PLOD1: variants seen among roughly 807,000 people sequenced by gnomAD.
PLOD1 encodes procollagen-lysine,2-oxoglutarate 5-dioxygenase 1, also known as lysine hydroxylase.
In PLOD1, 70 loss-of-function variants were observed where a neutral mutation model predicts 94.7. The ratio of observed to expected loss-of-function variants is 0.74; its 90% confidence interval spans 0.61 to 0.90. The LOEUF is 0.90. PLOD1 is among the 40% of genes least tolerant of loss of function. PLOD1 has a pLI of 0.00. For synonymous variants in PLOD1, 417 were observed against 400.2 expected (o/e 1.04, Z -0.50); for missense variants, 905 against 972.7 (o/e 0.93, Z 0.93).
rs11553681 is a variant in PLOD1 at position 11,975,248 on chromosome 1, G to T, written c.*440G>T. On this transcript the variant is annotated 3_prime_UTR_variant, in exon 19 of 19. Transcript: ENST00000196061. Reference sequence around the variant, plus strand: ...GTTGCACCAGGGACTTCTGCTTCAAGTTTTGGGGTAAAGACACCTGGATCA... The same window carrying T: ...GTTGCACCAGGGACTTCTGCTTCAATTTTTGGGGTAAAGACACCTGGATCA... 2 of 272,568 alleles carry T rather than the reference G, an allele frequency of 7.3e-6. No homozygotes were observed. Among genetic ancestry groups the T allele is most frequent in the South Asian group, 4.0e-5 (1 of 24,984 alleles). 16.9% of individuals were successfully genotyped at this position (272,568 alleles called of 1,614,324 possible).
Position 11,964,648 on chromosome 1 carries a change from G to A in PLOD1, c.1333G>A (p.Val445Ile). ...CGCTTTCTGTCTCTCCCACAGTGGT[G>A]TCTGGAATGTGCCCTATATTTCAAA... is the stretch of plus-strand genomic sequence containing the variant. Reference protein sequence around the residue: ...VDIVQGRRVGVWNVPYISNIY... With the variant: ...VDIVQGRRVGIWNVPYISNIY... Residue 445 changes from valine (V) to isoleucine (I), a missense_variant, in exon 13 of 19, where the codon GTC becomes ATC. By Grantham distance (29) the Val-to-Ile change is conservative. Coordinates refer to ENST00000196061, the MANE Select transcript of PLOD1 (RefSeq NM_000302.4). 6.2e-7 allele frequency: 1 copy of A among 1,613,024 alleles called. No homozygotes were observed. The highest frequency in any genetic ancestry group is 8.5e-7 in the Non-Finnish European group (1 of 1,180,014).
At chr1:11,966,933 A>G in intron 15 of PLOD1, 54 bp from the exon 16 acceptor site, 1 of 1,084,682 alleles carries the variant, frequency 9.2e-7, no homozygotes, top group Non-Finnish European at 1.4e-6. Context: ...AAGAGGAAGG[A>G]GGATTCTGTG....
chr1:11,936,873 G>T (rs1404769871), intron 1 of PLOD1, among the ~76,000 whole-genome samples: 2 of 144,110 alleles, frequency 1.4e-5, no homozygotes, highest in African/African-American at 2.6e-5. Flanking sequence ...TTGAGGCAGA[G>T]TTTCACTCCC....
intron 16 of PLOD1, among the ~76,000 whole-genome samples, chr1:11,968,469 A>T (rs1313887548): frequency 6.6e-6 from 1 of 151,016 alleles, no homozygotes; most frequent in Non-Finnish European, 1.5e-5. Flanking sequence ...TACAACATTC[A>T]TATCTCCTAT....
In PLOD1 at chr1:11,963,079, CAT is replaced by C. The variant is rs1645790279; in HGVS notation, c.1098-451_1098-450del. Among the ~76,000 whole-genome samples the C allele has an allele frequency of 6.6e-6, 1 of 151,988 alleles. No homozygotes were observed. The highest frequency in any genetic ancestry group is 2.1e-4 in the South Asian group (1 of 4,816). Reference sequence around the variant, plus strand: ...AAAATAAAAATAAAAAAAAGAAAAACATAAAGCTGTTCTTAGCCCATGAGCTG... The same window carrying C: ...AAAATAAAAATAAAAAAAAGAAAAACAAAGCTGTTCTTAGCCCATGAGCTG... On this transcript the variant is annotated intron_variant, in intron 10 of 18. Transcript: ENST00000196061. The surrounding 1 kb of genome is among the most constrained non-coding windows in gnomAD (Gnocchi z 4.3).
chr1:11,969,041 TTGAGACG>T (rs974430057), intron 16 of PLOD1, among the ~76,000 whole-genome samples: 1 of 150,632 alleles, frequency 6.6e-6, no homozygotes, highest in African/African-American at 2.4e-5. Context: ...TTTTTTTTTT[TTGAGACG>T]GAGTTTTGCT....
At chr1:11,965,430 G>A (rs1490650936) in intron 13 of PLOD1, 50 bp from the exon 14 acceptor site, 6 of 1,070,238 alleles carry the variant, frequency 5.6e-6, no homozygotes, top group Non-Finnish European at 5.8e-6. Flanking sequence ...AGGGGTGAGG[G>A]CAGGGGAGGG....
Position 11,974,815 on chromosome 1 carries a change from A to C in PLOD1, c.*7A>C, listed in dbSNP as rs760621897. On this transcript the variant is annotated 3_prime_UTR_variant, in exon 19 of 19. Transcript: ENST00000196061. ...CTCCTTCGTCGATCCCTAATTGGCC[A>C]GGCCTGACCCTCTTGGACCTTTCTT... 1.9e-6 allele frequency: 3 copies of C among 1,613,952 alleles called. No homozygotes were observed. The highest frequency in any genetic ancestry group is 2.5e-6 in the Non-Finnish European group (3 of 1,179,956).
At chr1:11,937,274 G>GA (rs1645586532) in intron 1 of PLOD1, among the ~76,000 whole-genome samples, 1 of 152,226 alleles carries the variant, frequency 6.6e-6, no homozygotes, top group Non-Finnish European at 1.5e-5. Flanking sequence ...AAGACCCGGT[G>GA]ATACTACCTC....
chr1:11,954,998 C>T (rs1645728754), intron 6 of PLOD1, 105 bp downstream of exon 6: 1 of 899,002 alleles, frequency 1.1e-6, no homozygotes, highest in Non-Finnish European at 1.8e-6. Context: ...TCTTTCTGGC[C>T]ATTGTGCTGA....
At chr1:11,938,188 C>A (rs934491669) in intron 1 of PLOD1, among the ~76,000 whole-genome samples, 34 of 151,778 alleles carry the variant, frequency 2.2e-4, no homozygotes, top group African/African-American at 2.4e-5. Context: ...TGACCTCAAG[C>A]GATTTGCCCA....
intron 18 of PLOD1, 92 bp from the exon 19 acceptor site, chr1:11,974,561 A>G: frequency 7.8e-7 from 1 of 1,288,432 alleles, no homozygotes; most frequent in South Asian, 1.2e-5. Flanking sequence ...GGCAGTGCTG[A>G]GGGCCACTTG....
chr1:11,947,070 A>T (rs1294196687), intron 1 of PLOD1, among the ~76,000 whole-genome samples: 1 of 152,026 alleles, frequency 6.6e-6, no homozygotes, highest in Non-Finnish European at 1.5e-5. Flanking sequence ...GGAGTTTGAG[A>T]CCAGCCTGGC....
chr1:11,958,656 C>T lies in PLOD1; in HGVS notation c.975+9C>T. ...TTTTCATCCACAACCACGTGAGTAA[C>T]AGGCGCTCTGTGGGGTCGTCATGTG... is the stretch of plus-strand genomic sequence containing the variant. On this transcript the variant is annotated intron_variant, in intron 9 of 18. Coordinates refer to ENST00000196061, the MANE Select transcript of PLOD1 (RefSeq NM_000302.4). The surrounding 1 kb of genome is among the most constrained non-coding windows in gnomAD (Gnocchi z 4.3). 1 of 1,614,078 alleles carries T rather than the reference C, an allele frequency of 6.2e-7. No individual in the cohort carries two copies. Among genetic ancestry groups the T allele is most frequent in the South Asian group, 1.1e-5 (1 of 91,074 alleles).
rs79045591 is a variant in PLOD1 at position 11,944,384 on chromosome 1, C to T, written c.77-3592C>T. On this transcript the variant is annotated intron_variant, in intron 1 of 18. Transcript: ENST00000196061. ...CACCCCTGCTGCTGGAGTTCAAGAG[C>T]CTGTTCCATCAAGAATCCTGAATTG... The T allele has an allele frequency of 2.7e-3, 1,113 of 407,078 alleles. 13 individuals carry two copies. The highest frequency in any genetic ancestry group is 0.02 in the African/African-American group (958 of 47,058). The allele number at this position is 407,078 out of a possible 1,614,324, so 25.2% of individuals were successfully genotyped here.
intron 14 of PLOD1, 146 bp downstream of exon 14, chr1:11,965,739 G>A (rs1645812746): frequency 1.9e-5 from 12 of 629,534 alleles, no homozygotes; most frequent in South Asian, 1.8e-4. Flanking sequence ...AGGCTATAGG[G>A]CAGGATTTGG....
intron 10 of PLOD1, among the ~76,000 whole-genome samples, chr1:11,961,078 A>G (rs1237059210): frequency 1.3e-5 from 2 of 151,058 alleles, no homozygotes; most frequent in African/African-American, 4.9e-5. Context: ...TGAATGTTTT[A>G]CTTTATTATA....
chr1:11,935,943 C>G (rs1228107568), intron 1 of PLOD1, among the ~76,000 whole-genome samples: 1 of 151,758 alleles, frequency 6.6e-6, no homozygotes. Context: ...ACTCCTGTAC[C>G]TCAGCCTCCC....
chr1:11,974,637 G>T lies in PLOD1; in HGVS notation c.2029-16G>T. 1 of 1,611,210 alleles carries T rather than the reference G, an allele frequency of 6.2e-7. No homozygotes were observed. The highest frequency in any genetic ancestry group is 2.2e-5 in the East Asian group (1 of 44,856). ...GGGGCGGTGGGGAAAGGCCACTGAT[G>T]CTTTCTGTCTCCCAGGGCGGGGGCT... On this transcript the variant is annotated splice_polypyrimidine_tract_variant and intron_variant, in intron 18 of 18. Coordinates refer to ENST00000196061, the MANE Select transcript of PLOD1 (RefSeq NM_000302.4).
Sources: allele counts gnomAD v4.1 joint callset (sites outside exome capture counted in the v4.1 genomes callset), GRCh38; gene constraint gnomAD v4.1.1; non-coding constraint Gnocchi (gnomAD v3.1); transcripts MANE v1.5; gene names NCBI Gene and HGNC (gene_info 2026-07-23, HGNC 2026-07-21).